Variants in COLQ observed in about 807,000 individuals in gnomAD.
COLQ encodes the protein collagen like tail subunit of asymmetric acetylcholinesterase.
COLQ carries 48 observed loss-of-function variants against 69.0 expected under a neutral mutation model. The ratio of observed to expected loss-of-function variants is 0.70; its 90% confidence interval spans 0.55 to 0.88. The LOEUF (loss-of-function observed/expected upper bound fraction) is 0.88, where lower values mean the gene tolerates loss of function less well. Ranked by LOEUF, COLQ falls within the 40% of genes least tolerant of loss-of-function variation. The pLI is 0.00. For synonymous variants in COLQ, 217 were observed against 211.2 expected (o/e 1.03, Z -0.24); for missense variants, 618 against 594.6 (o/e 1.04, Z -0.41).
intron 1 of COLQ, among the ~76,000 whole-genome samples, chr3:15,510,204 T>G (rs1021717508): frequency 6.7e-6 from 1 of 149,290 alleles, no homozygotes. Flanking sequence ...GGGATGATAG[T>G]GGAATGAAAC....
At chr3:15,499,863 C>T (rs1387026581) in intron 1 of COLQ, among the ~76,000 whole-genome samples, 1 of 152,178 alleles carries the variant, frequency 6.6e-6, no homozygotes, top group Non-Finnish European at 1.5e-5. Flanking sequence ...GGAGTCTAAG[C>T]TTTCTTACTT....
chr3:15,468,553 C>T (rs1234361173), intron 11 of COLQ, among the ~76,000 whole-genome samples: 2 of 152,010 alleles, frequency 1.3e-5, no homozygotes, highest in African/African-American at 2.4e-5. Flanking sequence ...AGGCTGGTCT[C>T]GAACTCCTGA....
intron 10 of COLQ, among the ~76,000 whole-genome samples, chr3:15,471,930 A>T (rs954034671): frequency 4.7e-5 from 7 of 149,890 alleles, no homozygotes; most frequent in African/African-American, 1.5e-4. Context: ...AGGCTCGGGG[A>T]TGTCTTTATG....
intron 1 of COLQ, among the ~76,000 whole-genome samples, chr3:15,514,696 G>A (rs1264843624): frequency 6.6e-6 from 1 of 152,154 alleles, no homozygotes; most frequent in Admixed American, 6.6e-5. Context: ...AGAAGAAGGG[G>A]AAGGCAGAGG....
At chr3:15,484,485 C>G (rs549969959) in intron 3 of COLQ, among the ~76,000 whole-genome samples, 3 of 152,198 alleles carry the variant, frequency 2.0e-5, no homozygotes, top group East Asian at 3.9e-4. Context: ...TGGGGAAGTA[C>G]TCCTGGATAA....
At chr3:15,481,789 A>G (rs1559522018) in intron 3 of COLQ, among the ~76,000 whole-genome samples, 1 of 152,188 alleles carries the variant, frequency 6.6e-6, no homozygotes, top group Non-Finnish European at 1.5e-5. Context: ...CACTGAATCT[A>G]TAAATTACCT....
chr3:15,489,071 C>T (rs2062622087), intron 2 of COLQ, among the ~76,000 whole-genome samples: 1 of 152,232 alleles, frequency 6.6e-6, no homozygotes, highest in African/African-American at 2.4e-5. Context: ...CTCCCTCTCA[C>T]ACCTCAGTGT....
chr3:15,484,461 C>T (rs1357257124), intron 3 of COLQ, among the ~76,000 whole-genome samples: 1 of 152,138 alleles, frequency 6.6e-6, no homozygotes, highest in African/African-American at 2.4e-5. Context: ...GAATGTTGGC[C>T]TGCCTTGCTA....
chr3:15,473,987 C>A lies in COLQ; in HGVS notation c.636+13G>T. 6.2e-7 allele frequency: 1 copy of A among 1,614,064 alleles called. No individual in the cohort carries two copies. Among genetic ancestry groups the A allele is most frequent in the Non-Finnish European group, 8.5e-7 (1 of 1,179,964 alleles). On this transcript the variant is annotated intron_variant, in intron 10 of 16. Coordinates refer to ENST00000383788, the MANE Select transcript of COLQ (RefSeq NM_005677.4). This position sits in a 1 kb window ranked among gnomAD's most constrained non-coding sequence, Gnocchi z 4.0. The stretch of plus-strand genomic sequence containing the variant: ...TTATTGAGGCCTATTTTCACTACCT[C>A]AAGGTTACTTACTTTCTGCCCCAAC...
At chr3:15,497,639 C>T (rs1288404941) in intron 1 of COLQ, among the ~76,000 whole-genome samples, 2 of 152,186 alleles carry the variant, frequency 1.3e-5, no homozygotes, top group African/African-American at 4.8e-5. Context: ...GTGGACTAGT[C>T]AGCTTTTTAC....
At chr3:15,480,224 C>T (rs1339011093) in intron 3 of COLQ, among the ~76,000 whole-genome samples, 2 of 152,154 alleles carry the variant, frequency 1.3e-5, no homozygotes, top group Non-Finnish European at 2.9e-5. Flanking sequence ...GGTACATGTG[C>T]ACAACGTGCA....
At chr3:15,480,154 C>A in intron 3 of COLQ, among the ~76,000 whole-genome samples, 1 of 152,194 alleles carries the variant, frequency 6.6e-6, no homozygotes, top group East Asian at 1.9e-4. Context: ...GGTGAACATG[C>A]ATAGTGCAAA....
chr3:15,454,651 G>GTTTT lies in COLQ; in HGVS notation c.1196-724_1196-721dup, dbSNP rs56053367. Reference sequence around the variant, plus strand: ...TGCCCTGTCATCCTTCCCCTGAACTGTTTTTTTTTTTTTTTTTTTTTTGAG... The same window carrying GTTTT: ...TGCCCTGTCATCCTTCCCCTGAACTGTTTTTTTTTTTTTTTTTTTTTTTTTTGAG... On this transcript the variant is annotated intron_variant, in intron 15 of 16. Transcript: ENST00000383788. 3.1e-3 allele frequency among the ~76,000 whole-genome samples: 363 copies of GTTTT among 118,092 alleles called. 9 individuals carry two copies. The highest frequency in any genetic ancestry group is 0.01 in the African/African-American group (288 of 28,396). 77.5% of individuals were successfully genotyped at this position (118,092 alleles called of 152,430 possible).
At chr3:15,513,245 C>T (rs2063010387) in intron 1 of COLQ, among the ~76,000 whole-genome samples, 1 of 152,164 alleles carries the variant, frequency 6.6e-6, no homozygotes, top group Non-Finnish European at 1.5e-5. Context: ...TGTTACTGTC[C>T]AGAGAGGCGA....
At chr3:15,479,311 AG>A (rs1180037966) in intron 4 of COLQ, 26 bp downstream of exon 4, 14 of 1,612,092 alleles carry the variant, frequency 8.7e-6, no homozygotes, top group Non-Finnish European at 1.2e-5. Context: ...CAAGGAAAGA[AG>A]GGTTGAAGAA....
rs562813124 is a variant in COLQ at position 15,488,640 on chromosome 3, G to A, written c.220-333C>T. Among the ~76,000 whole-genome samples, 7 of 152,252 alleles carry A rather than the reference G, an allele frequency of 4.6e-5. No homozygotes were observed. The South Asian group carries it at 1.5e-3, about 32-fold the overall frequency. On this transcript the variant is annotated intron_variant, in intron 2 of 16. Coordinates refer to ENST00000383788, the MANE Select transcript of COLQ (RefSeq NM_005677.4). ...GTGAGGCACCAATAAGAGCAACACT[G>A]TAATTTTAAATTGTCTAGTAGTCAC...
At chr3:15,498,738 A>C in intron 1 of COLQ, 1 of 1,535,392 alleles carries the variant, frequency 6.5e-7, no homozygotes, top group Admixed American at 2.0e-5. Flanking sequence ...CTTCTGCTCC[A>C]GATGCCAGGG....
intron 1 of COLQ, among the ~76,000 whole-genome samples, chr3:15,517,016 C>G (rs2063072089): frequency 6.6e-6 from 1 of 152,122 alleles, no homozygotes; most frequent in African/African-American, 2.4e-5. Flanking sequence ...GTGGCACGTG[C>G]CTGTACTCCT....
At chr3:15,511,027 T>C (rs1322686528) in intron 1 of COLQ, among the ~76,000 whole-genome samples, 1 of 152,086 alleles carries the variant, frequency 6.6e-6, no homozygotes, top group Non-Finnish European at 1.5e-5. Flanking sequence ...AGAAGAGAAA[T>C]ACACGCCAAG....
Sources: allele counts gnomAD v4.1 joint callset (sites outside exome capture counted in the v4.1 genomes callset), GRCh38; gene constraint gnomAD v4.1.1; non-coding constraint Gnocchi (gnomAD v3.1); transcripts MANE v1.5; gene names NCBI Gene and HGNC (gene_info 2026-07-23, HGNC 2026-07-21).